LY86: variants seen among roughly 807,000 people sequenced by gnomAD.
The protein encoded by LY86 is lymphocyte antigen 86.
LY86 carries 20 observed loss-of-function variants against 17.3 expected under a neutral mutation model. The observed-to-expected ratio is 1.15, with a 90% CI of 0.81 to 1.68. The LOEUF (loss-of-function observed/expected upper bound fraction) is 1.68, where lower values mean the gene tolerates loss of function less well. LY86 is among the 40% of genes most tolerant of loss of function. The probability of loss-of-function intolerance (pLI) is 0.00; values close to 1 mark genes in which losing one functional copy is unlikely to be tolerated. For synonymous variants in LY86, 74 were observed against 70.6 expected, an observed-to-expected ratio of 1.05 and a Z score of -0.24; for missense variants, 200 against 191.9, an observed-to-expected ratio of 1.04 and a Z score of -0.25.
intron 1 of LY86, among the ~76,000 whole-genome samples, chr6:6,607,094 C>G (rs1337262584): frequency 6.6e-6 from 1 of 152,210 alleles, no homozygotes; most frequent in Non-Finnish European, 1.5e-5. Context: ...CTGCCTAGTG[C>G]AAAACGGCAG....
chr6:6,651,802 C>G (rs755828189), intron 4 of LY86, among the ~76,000 whole-genome samples: 4 of 151,936 alleles, frequency 2.6e-5, no homozygotes, highest in Non-Finnish European at 4.4e-5. Context: ...ATGCCTGTAA[C>G]CCCAGCACTT....
At chr6:6,596,788 G>T (rs941069454) in intron 1 of LY86, among the ~76,000 whole-genome samples, 1 of 152,138 alleles carries the variant, frequency 6.6e-6, no homozygotes, top group Non-Finnish European at 1.5e-5. Context: ...GATCCTCTGG[G>T]TTTCCATTGG....
chr6:6,628,861 C>T (rs1761850037), intron 3 of LY86, among the ~76,000 whole-genome samples: 2 of 152,208 alleles, frequency 1.3e-5, no homozygotes, highest in South Asian at 4.1e-4. Flanking sequence ...TTTACCAGTT[C>T]ACCTTAAAAA....
intron 1 of LY86, chr6:6,620,836 C>T (rs1761656251): frequency 6.6e-6 from 1 of 152,260 alleles, no homozygotes; most frequent in Non-Finnish European, 1.5e-5. Context: ...CATGAATGTC[C>T]AAGAAAACTT....
At chr6:6,600,587 C>CAAAAAAAAAAAAAAAA (rs59560744) in intron 1 of LY86, among the ~76,000 whole-genome samples, 18 of 82,452 alleles carry the variant, frequency 2.2e-4, no homozygotes, top group South Asian at 4.2e-4. Context: ...GAGACTCCAT[C>CAAAAAAAAAAAAAAAA]AAAAAAAAAA....
chr6:6,645,429 A>G (rs1366714370), intron 3 of LY86, among the ~76,000 whole-genome samples: 1 of 152,116 alleles, frequency 6.6e-6, no homozygotes, highest in Non-Finnish European at 1.5e-5. Context: ...TTCGATTTGC[A>G]AGCACAAAAG....
intron 3 of LY86, among the ~76,000 whole-genome samples, chr6:6,628,277 C>G (rs2113143817): frequency 7.7e-6 from 1 of 130,664 alleles, no homozygotes; most frequent in Non-Finnish European, 1.6e-5. Context: ...TCCTCCTTCC[C>G]TCCCCTTCCT....
intron 1 of LY86, among the ~76,000 whole-genome samples, chr6:6,602,368 C>T (rs1760935488): frequency 1.3e-5 from 2 of 152,184 alleles, no homozygotes; most frequent in Non-Finnish European, 1.5e-5. Context: ...ACAAACACCA[C>T]TAAAACATGC....
chr6:6,588,875 GC>G lies in LY86; in HGVS notation c.136+8del. 1 of 1,613,784 alleles carries G rather than the reference GC, an allele frequency of 6.2e-7. No individual in the cohort carries two copies. The highest frequency in any genetic ancestry group is 8.5e-7 in the Non-Finnish European group (1 of 1,179,824). On this transcript the variant is annotated splice_donor_region_variant and intron_variant, in intron 1 of 4. Transcript: ENST00000230568. ...AAGTGCTCTACCAGAGTTGCGGTAA[GC>G]CCTTGCAGTACACCCATGTGTGTTT...
intron 1 of LY86, among the ~76,000 whole-genome samples, chr6:6,612,635 A>C (rs1761413268): frequency 6.6e-6 from 1 of 152,228 alleles, no homozygotes; most frequent in African/African-American, 2.4e-5. Flanking sequence ...GGTCCATTTT[A>C]CAGAGAGCCA....
rs912766555 is a variant in LY86, at chr6:6,604,343, TA to T, written c.136+15480del. 2.6e-5 allele frequency among the ~76,000 whole-genome samples: 4 copies of T among 151,808 alleles called. 1 individual carries two copies. In the South Asian group the frequency reaches 6.3e-4, roughly 24 times the overall value. On this transcript the variant is annotated intron_variant, in intron 1 of 4. Transcript: ENST00000230568. ...ATATAAAATGTATAGCTTCTTTAAT[TA>T]AAAAAACTCAAAACATGAGAAAAAA...
At chr6:6,631,892 C>G (rs1195787913) in intron 3 of LY86, among the ~76,000 whole-genome samples, 2 of 152,202 alleles carry the variant, frequency 1.3e-5, no homozygotes, top group African/African-American at 4.8e-5. Flanking sequence ...AATTTATGGA[C>G]ACTGAAATTT....
intron 1 of LY86, among the ~76,000 whole-genome samples, chr6:6,597,229 C>T (rs1395234775): frequency 1.3e-5 from 2 of 152,160 alleles, no homozygotes; most frequent in East Asian, 1.9e-4. Context: ...CCAAGGAAAG[C>T]GAAGGTGGAA....
chr6:6,630,903 T>A (rs1408560253), intron 3 of LY86, among the ~76,000 whole-genome samples: 2 of 152,230 alleles, frequency 1.3e-5, no homozygotes, highest in African/African-American at 4.8e-5. Flanking sequence ...TCTCTATCAT[T>A]GTTCCACTGG....
chr6:6,603,595 AACAGAAACAG>A (rs372809114), intron 1 of LY86, among the ~76,000 whole-genome samples: 39 of 73,970 alleles, frequency 5.3e-4, no homozygotes, highest in East Asian at 1.2e-3. Context: ...CAAAAACAAA[AACAGAAACAG>A]AAAAAAAAAC....
intron 1 of LY86, among the ~76,000 whole-genome samples, chr6:6,612,093 C>T (rs148476290): frequency 2.6e-5 from 4 of 152,140 alleles, no homozygotes; most frequent in Admixed American, 1.3e-4. Flanking sequence ...TTGAGAAGAT[C>T]CAAAAGCAAG....
chr6:6,610,937 T>G (rs1330509905), intron 1 of LY86, among the ~76,000 whole-genome samples: 1 of 152,218 alleles, frequency 6.6e-6, no homozygotes, highest in South Asian at 2.1e-4. Flanking sequence ...GGAAGGCTCC[T>G]TCTTTGAAAA....
intron 4 of LY86, among the ~76,000 whole-genome samples, chr6:6,650,555 G>A (rs866996649): frequency 6.6e-6 from 1 of 152,042 alleles, no homozygotes; most frequent in African/African-American, 2.4e-5. Flanking sequence ...GGTTGGTCTC[G>A]AACTCCTGAC....
chr6:6,590,185 C>A (rs575752465), intron 1 of LY86, among the ~76,000 whole-genome samples: 45 of 149,830 alleles, frequency 3.0e-4, no homozygotes, highest in Non-Finnish European at 2.8e-4. Flanking sequence ...ATACCGTAGT[C>A]CCCCCCCAGT....
Sources: allele counts gnomAD v4.1 joint callset (sites outside exome capture counted in the v4.1 genomes callset), GRCh38; gene constraint gnomAD v4.1.1; transcripts MANE v1.5; gene names NCBI Gene and HGNC (gene_info 2026-07-23, HGNC 2026-07-21).